The following CDH18 variants were observed in gnomAD, a reference collection of about 807,000 sequenced individuals.
The protein encoded by CDH18 is cadherin-18.
In CDH18, 31 loss-of-function variants were observed where a neutral mutation model predicts 67.9. The ratio of observed to expected loss-of-function variants is 0.46; its 90% CI spans 0.34 to 0.62. The LOEUF (loss-of-function observed/expected upper bound fraction) is 0.62, where lower values mean the gene tolerates loss of function less well. CDH18 is among the 20% of genes least tolerant of loss of function. CDH18 has a pLI of 0.01. For missense variants in CDH18, 890 were observed against 975.5 expected, an observed-to-expected ratio of 0.91 and a Z score of 1.17; for synonymous variants, 362 against 347.2, an observed-to-expected ratio of 1.04 and a Z score of -0.48.
In CDH18 at chr5:19,611,344, G is replaced by A. The variant is rs555740115; in HGVS notation, c.811+1090C>T. On this transcript the variant is annotated intron_variant, in intron 6 of 12. Coordinates refer to ENST00000382275, the MANE Select transcript of CDH18 (RefSeq NM_004934.5). Reference sequence around the variant, plus strand: ...AAAGTGCTGTGCAAGAGGGAAAAAAGAGTGAGTAATTCTGCAACAGGAATT... The same window carrying A: ...AAAGTGCTGTGCAAGAGGGAAAAAAAAGTGAGTAATTCTGCAACAGGAATT... 3.9e-5 allele frequency among the ~76,000 whole-genome samples: 6 copies of A among 152,296 alleles called. No individual in the cohort carries two copies. In the South Asian group the frequency reaches 1.2e-3, roughly 32 times the overall value.
At chr5:20,124,678 C>T (rs1254522980) in intron 2 of CDH18, among the ~76,000 whole-genome samples, 3 of 152,052 alleles carry the variant, frequency 2.0e-5, no homozygotes, top group South Asian at 2.1e-4. Flanking sequence ...CGTCCAAGTA[C>T]GCTAGAATGT....
chr5:19,976,883 G>T (rs1326042687), intron 2 of CDH18, among the ~76,000 whole-genome samples: 1 of 152,034 alleles, frequency 6.6e-6, no homozygotes, highest in Non-Finnish European at 1.5e-5. Context: ...AGATTTTAAT[G>T]ATCTAATATT....
chr5:20,406,421 C>T (rs191304538), intron 1 of CDH18, among the ~76,000 whole-genome samples: 16 of 147,456 alleles, frequency 1.1e-4, no homozygotes, highest in African/African-American at 1.8e-4. Flanking sequence ...CATCACACCC[C>T]GGGGCCTGTT....
At chr5:19,595,514 C>T (rs1337788138) in intron 6 of CDH18, among the ~76,000 whole-genome samples, 1 of 152,158 alleles carries the variant, frequency 6.6e-6, no homozygotes, top group Non-Finnish European at 1.5e-5. Flanking sequence ...ATCCCAGCTA[C>T]TTGGGAGACT....
At chr5:20,116,437 A>G (rs1156779181) in intron 2 of CDH18, among the ~76,000 whole-genome samples, 4 of 151,852 alleles carry the variant, frequency 2.6e-5, no homozygotes, top group African/African-American at 9.7e-5. Flanking sequence ...AATCACTTGA[A>G]CCCAAGAGGT....
chr5:20,236,960 A>T (rs1014675584), intron 2 of CDH18, among the ~76,000 whole-genome samples: 5 of 152,042 alleles, frequency 3.3e-5, no homozygotes, highest in African/African-American at 1.2e-4. Context: ...ACAAACAAAA[A>T]GAAAGAAAAG....
At chr5:19,941,536 C>T (rs1021093350) in intron 2 of CDH18, among the ~76,000 whole-genome samples, 3 of 151,964 alleles carry the variant, frequency 2.0e-5, no homozygotes, top group Non-Finnish European at 4.4e-5. Context: ...AATCCCAGAA[C>T]TTTGGGAGGC....
chr5:19,936,398 TGTTCAAACAGAAAGTCCTTTA>T (rs1794271247), intron 2 of CDH18, among the ~76,000 whole-genome samples: 1 of 151,326 alleles, frequency 6.6e-6, no homozygotes. Context: ...GCCATGGGAA[TGTTCAAACAGAAAGTCCTTTA>T]ACCTGAACTA....
chr5:20,076,060 A>C (rs1183698624), intron 2 of CDH18, among the ~76,000 whole-genome samples: 1 of 152,178 alleles, frequency 6.6e-6, no homozygotes, highest in Non-Finnish European at 1.5e-5. Context: ...ATATCTATGT[A>C]ACTTCACTTG....
At chr5:19,713,302 A>T (rs1333402598) in intron 5 of CDH18, among the ~76,000 whole-genome samples, 1 of 152,032 alleles carries the variant, frequency 6.6e-6, no homozygotes, top group Admixed American at 6.6e-5. Flanking sequence ...TGATTTTTTT[A>T]CTCTCCTGGT....
chr5:20,122,845 C>T (rs1223082319), intron 2 of CDH18, among the ~76,000 whole-genome samples: 1 of 147,080 alleles, frequency 6.8e-6, no homozygotes, highest in African/African-American at 2.5e-5. Flanking sequence ...TATATATTCC[C>T]TATATAACAT....
chr5:20,059,826 G>A (rs551407106), intron 2 of CDH18, among the ~76,000 whole-genome samples: 13 of 152,024 alleles, frequency 8.6e-5, no homozygotes, highest in Non-Finnish European at 8.8e-5. Flanking sequence ...TCCTTTGCAG[G>A]GACATGGATG....
intron 2 of CDH18, among the ~76,000 whole-genome samples, chr5:19,890,287 C>T (rs1441491777): frequency 6.6e-6 from 1 of 152,070 alleles, no homozygotes; most frequent in African/African-American, 2.4e-5. Context: ...GTTTTACCAA[C>T]ACTTGTGATT....
intron 2 of CDH18, among the ~76,000 whole-genome samples, chr5:20,228,366 T>A (rs549590756): frequency 4.5e-4 from 68 of 152,228 alleles, no homozygotes; most frequent in Admixed American, 7.9e-4. Flanking sequence ...TAAAATTGTA[T>A]ATATTTATTG....
chr5:20,223,779 G>A (rs1464199573), intron 2 of CDH18, among the ~76,000 whole-genome samples: 2 of 152,072 alleles, frequency 1.3e-5, no homozygotes, highest in Non-Finnish European at 2.9e-5. Context: ...TCCCCTTTGT[G>A]TAGGGGGAAC....
At chr5:20,183,977 T>A (rs1318603940) in intron 2 of CDH18, among the ~76,000 whole-genome samples, 2 of 152,074 alleles carry the variant, frequency 1.3e-5, no homozygotes, top group Admixed American at 1.3e-4. Flanking sequence ...CGAAAATATG[T>A]ACACTAAATT....
intron 2 of CDH18, among the ~76,000 whole-genome samples, chr5:20,172,343 T>A (rs1464179826): frequency 4.0e-5 from 6 of 149,574 alleles, no homozygotes; most frequent in Admixed American, 3.4e-4. Context: ...AATGATTGCC[T>A]TTTTCCCTGT....
At chr5:19,767,048 T>C (rs1244190630) in intron 3 of CDH18, among the ~76,000 whole-genome samples, 1 of 151,776 alleles carries the variant, frequency 6.6e-6, no homozygotes, top group Non-Finnish European at 1.5e-5. Context: ...TTGAAAATTT[T>C]ATTATTAATT....
At chr5:20,486,735 T>C (rs73764419) in intron 1 of CDH18, among the ~76,000 whole-genome samples, 6,090 of 150,798 alleles carry the variant, frequency 0.04, 398 homozygotes, top group African/African-American at 0.14. Context: ...GTGTGTGTTG[T>C]GTGTACTCCA....
Sources: gnomAD v4.1 joint callset for allele counts (sites outside exome capture counted in the v4.1 genomes callset) on GRCh38, gnomAD v4.1.1 for gene constraint, MANE v1.5 for transcripts, NCBI Gene and HGNC (gene_info 2026-07-23, HGNC 2026-07-21) for gene names.